Variants in NELL1 observed in about 807,000 individuals in gnomAD.
NELL1 encodes neural EGFL like 1.
In NELL1, 76 loss-of-function variants were observed where a neutral mutation model predicts 107.4. The observed-to-expected ratio is 0.71, with a 90% CI of 0.59 to 0.86. NELL1 has a LOEUF of 0.86. Among genes scored for constraint, NELL1 ranks in the 40% least tolerant of loss-of-function variants. NELL1 has a pLI of 0.00. For missense variants in NELL1, 1,024 were observed against 1,005.5 expected (o/e 1.02, Z -0.25); for synonymous variants, 353 against 341.2 (o/e 1.03, Z -0.38).
At chr11:20,840,727 C>T (rs1848606325) in intron 3 of NELL1, among the ~76,000 whole-genome samples, 1 of 152,174 alleles carries the variant, frequency 6.6e-6, no homozygotes, top group Non-Finnish European at 1.5e-5. Flanking sequence ...TTACTTTTGC[C>T]CTTAAAGTAC....
chr11:21,098,823 T>TG (rs1185929136), intron 12 of NELL1, among the ~76,000 whole-genome samples: 1 of 152,130 alleles, frequency 6.6e-6, no homozygotes, highest in Non-Finnish European at 1.5e-5. Context: ...TCTCTCTCTC[T>TG]GTCTGCCTCT....
intron 15 of NELL1, among the ~76,000 whole-genome samples, chr11:21,386,378 A>G (rs971621156): frequency 6.6e-6 from 1 of 151,882 alleles, no homozygotes; most frequent in Non-Finnish European, 1.5e-5. Context: ...CAGAAGCATT[A>G]ACATCTTTTT....
chr11:21,012,694 T>C (rs1167254694), intron 12 of NELL1, among the ~76,000 whole-genome samples: 1 of 152,090 alleles, frequency 6.6e-6, no homozygotes, highest in Non-Finnish European at 1.5e-5. Context: ...AGGTTGGGAA[T>C]GGCAAATGCT....
At chr11:21,102,665 C>T (rs1301279881) in intron 12 of NELL1, among the ~76,000 whole-genome samples, 2 of 152,168 alleles carry the variant, frequency 1.3e-5, no homozygotes, top group African/African-American at 2.4e-5. Context: ...AGTTCTTTCA[C>T]TTAAAAAATG....
intron 14 of NELL1, among the ~76,000 whole-genome samples, chr11:21,312,020 G>A (rs1015208550): frequency 1.2e-4 from 18 of 152,068 alleles, no homozygotes; most frequent in African/African-American, 4.3e-4. Context: ...CATCAAGAAA[G>A]CACCATCTGT....
rs567873164 is a variant in NELL1 at position 21,183,813 on chromosome 11, A to C, written c.1427-45519A>C. On this transcript the variant is annotated intron_variant, in intron 13 of 19. Coordinates refer to ENST00000357134, the MANE Select transcript of NELL1 (RefSeq NM_006157.5). ...ATCAGGTGATTGGAATGTAGTGTTG[A>C]GTTGAACAGGGTTAGAAAATGAGTC... Among the ~76,000 whole-genome samples, 20 of 151,930 alleles carry C rather than the reference A, an allele frequency of 1.3e-4. 1 individual carries two copies. Among genetic ancestry groups the C allele is most frequent in the African/African-American group, 4.9e-4 (20 of 41,222 alleles).
chr11:21,193,897 A>G (rs1276220125), intron 13 of NELL1, among the ~76,000 whole-genome samples: 3 of 151,840 alleles, frequency 2.0e-5, no homozygotes, highest in Non-Finnish European at 2.9e-5. Flanking sequence ...TGAAATTCTT[A>G]TCTTTGTAGA....
At chr11:21,164,651 G>A (rs2133804602) in intron 13 of NELL1, among the ~76,000 whole-genome samples, 1 of 152,138 alleles carries the variant, frequency 6.6e-6, no homozygotes, top group Middle Eastern at 3.4e-3. Flanking sequence ...TAGTTGTTTT[G>A]GCTTTTAAAA....
chr11:20,879,606 C>T (rs1005401580), intron 4 of NELL1, among the ~76,000 whole-genome samples: 2 of 151,774 alleles, frequency 1.3e-5, no homozygotes, highest in African/African-American at 2.4e-5. Flanking sequence ...TCAGGTGGGG[C>T]GGGGGTTTGG....
chr11:20,830,239 A>G (rs569794690), intron 3 of NELL1, among the ~76,000 whole-genome samples: 1 of 151,534 alleles, frequency 6.6e-6, no homozygotes, highest in Non-Finnish European at 1.5e-5. Flanking sequence ...GACTGGTGAC[A>G]GAGTGAGACA....
chr11:20,674,570 G>A, intron 1 of NELL1: 3 of 1,518,210 alleles, frequency 2.0e-6, no homozygotes, highest in South Asian at 2.4e-5. Flanking sequence ...TCCCTTCAGG[G>A]AGGCAGGTAT....
At chr11:21,513,714 C>A (rs923166328) in intron 15 of NELL1, among the ~76,000 whole-genome samples, 1 of 152,126 alleles carries the variant, frequency 6.6e-6, no homozygotes, top group Non-Finnish European at 1.5e-5. Context: ...AATCAACTTC[C>A]AGGCATTATC....
intron 4 of NELL1, among the ~76,000 whole-genome samples, chr11:20,875,030 C>T (rs113568742): frequency 0.017 from 2,624 of 152,250 alleles, 33 homozygotes; most frequent in Non-Finnish European, 0.026. Flanking sequence ...TGAGAAGTTC[C>T]TAGAACTAAA....
At chr11:20,993,564 A>T (rs1178052733) in intron 12 of NELL1, among the ~76,000 whole-genome samples, 2 of 151,934 alleles carry the variant, frequency 1.3e-5, no homozygotes, top group Admixed American at 1.3e-4. Flanking sequence ...TGGTTTCAGG[A>T]CCCCCTCAAG....
chr11:21,226,093 A>T (rs1162752706), intron 13 of NELL1, among the ~76,000 whole-genome samples: 1 of 152,038 alleles, frequency 6.6e-6, no homozygotes, highest in Non-Finnish European at 1.5e-5. Flanking sequence ...ACTGGAAAGG[A>T]ATGTGATATT....
rs1221566715 is a variant in NELL1, at chr11:21,348,435, A to C, written c.1550-22418A>C. Reference sequence around the variant, plus strand: ...CTTTCTCTTTTGTAAGCTGGAATAAAAGTAAAGTACATGTAAACCAATAAT... The same window carrying C: ...CTTTCTCTTTTGTAAGCTGGAATAACAGTAAAGTACATGTAAACCAATAAT... On this transcript the variant is annotated intron_variant, in intron 14 of 19. Coordinates refer to ENST00000357134, the MANE Select transcript of NELL1 (RefSeq NM_006157.5). Among the ~76,000 whole-genome samples, 7 of 152,312 alleles carry C rather than the reference A, an allele frequency of 4.6e-5. No individual in the cohort carries two copies. The East Asian group carries it at 5.8e-4, about 13-fold the overall frequency.
At chr11:21,197,515 T>C (rs1375264825) in intron 13 of NELL1, among the ~76,000 whole-genome samples, 2 of 151,996 alleles carry the variant, frequency 1.3e-5, no homozygotes, top group African/African-American at 2.4e-5. Flanking sequence ...AGGAACTGGA[T>C]GTAGAATTTG....
At chr11:21,329,295 T>C (rs1313377904) in intron 14 of NELL1, among the ~76,000 whole-genome samples, 1 of 152,162 alleles carries the variant, frequency 6.6e-6, no homozygotes, top group Non-Finnish European at 1.5e-5. Flanking sequence ...TTCCCCCTTT[T>C]GCTCAGTATT....
At chr11:20,814,292 C>A (rs1453074146) in intron 3 of NELL1, among the ~76,000 whole-genome samples, 1 of 152,220 alleles carries the variant, frequency 6.6e-6, no homozygotes, top group Non-Finnish European at 1.5e-5. Context: ...CCACACCCAG[C>A]CTAAAATTTC....
Sources: allele counts gnomAD v4.1 joint callset (sites outside exome capture counted in the v4.1 genomes callset), GRCh38; gene constraint gnomAD v4.1.1; transcripts MANE v1.5; gene names NCBI Gene and HGNC (gene_info 2026-07-23, HGNC 2026-07-21).